CCDC82: variants seen among roughly 807,000 people sequenced by gnomAD.
CCDC82 encodes the protein coiled-coil domain-containing protein 82.
CCDC82 carries 47 observed loss-of-function variants against 60.6 expected under a neutral mutation model. The observed-to-expected ratio is 0.77, with a 90% CI of 0.61 to 0.99. The LOEUF (loss-of-function observed/expected upper bound fraction) is 0.99, where lower values mean the gene tolerates loss of function less well. Among genes scored for constraint, CCDC82 ranks in the 50% least tolerant of loss-of-function variants. The pLI is 0.00. For missense variants in CCDC82, 588 were observed against 633.0 expected, an observed-to-expected ratio of 0.93 and a Z score of 0.76; for synonymous variants, 212 against 207.4, an observed-to-expected ratio of 1.02 and a Z score of -0.19.
At chr11:96,388,420 A>G (rs893685696) in intron 1 of CCDC82, 1 of 152,244 alleles carries the variant, frequency 6.6e-6, no homozygotes, top group South Asian at 2.1e-4. Flanking sequence ...CCAAACAGAA[A>G]GCATTAAATA....
intron 7 of CCDC82, among the ~76,000 whole-genome samples, chr11:96,368,976 T>C (rs1865108420): frequency 6.6e-6 from 1 of 152,252 alleles, no homozygotes; most frequent in African/African-American, 2.4e-5. Flanking sequence ...GACAACTTGC[T>C]GCAGCTTCTC....
At chr11:96,368,329 G>T (rs1002203370) in intron 7 of CCDC82, among the ~76,000 whole-genome samples, 2 of 152,018 alleles carry the variant, frequency 1.3e-5, no homozygotes, top group African/African-American at 4.8e-5. Flanking sequence ...CTTAACAGTG[G>T]TCCAAAAATA....
At position 96,359,018 on chromosome 11, in the gene CCDC82, G is replaced by T; in HGVS notation, c.1541C>A (p.Ser514Ter). ...CTCCTTAATCCAGCCATTTTCTTTT[G>T]ACCGCCTGAAAATTCTTTCCACTGT... ...KETVERIFRR[S>*]KENGWIKEKY... is the part of the protein sequence containing the mutation. Residue 514 changes from serine (S) to a stop codon, truncating the protein, a stop_gained, in exon 9 of 10, where the codon TCA becomes TAA. Coordinates refer to ENST00000646818, the MANE Select transcript of CCDC82 (RefSeq NM_024725.4). LOFTEE classifies it high-confidence loss of function. The T allele has an allele frequency of 6.2e-7, 1 of 1,607,292 alleles. No individual in the cohort carries two copies. The highest frequency in any genetic ancestry group is 8.5e-7 in the Non-Finnish European group (1 of 1,177,960).
chr11:96,373,568 T>C (rs1865403520), intron 5 of CCDC82, 101 bp from the exon 6 acceptor site: 7 of 659,434 alleles, frequency 1.1e-5, no homozygotes, highest in Admixed American at 9.3e-5. Flanking sequence ...AAACTATAGA[T>C]AGCACAAACA....
At chr11:96,389,319 C>T (rs1376824448) in intron 1 of CCDC82, 2 of 152,144 alleles carry the variant, frequency 1.3e-5, no homozygotes, top group Admixed American at 1.3e-4. Context: ...GGAATAGATC[C>T]TCTCAGGAAT....
intron 9 of CCDC82, chr11:96,357,437 A>G (rs955410975): frequency 1.6e-5 from 16 of 985,166 alleles, no homozygotes; most frequent in Non-Finnish European, 1.9e-5. Flanking sequence ...CTTGAAAAGA[A>G]AGCCTAAGCT....
intron 5 of CCDC82, chr11:96,381,262 T>A (rs1265510706): frequency 6.6e-6 from 1 of 151,740 alleles, no homozygotes; most frequent in Non-Finnish European, 1.5e-5. Context: ...TAATTGAGTA[T>A]CCCTGTAATT....
At chr11:96,360,546 G>A (rs1321242331) in intron 8 of CCDC82, among the ~76,000 whole-genome samples, 5 of 151,958 alleles carry the variant, frequency 3.3e-5, no homozygotes, top group Non-Finnish European at 7.4e-5. Context: ...GCATCAGAAA[G>A]GGCTCCAAAC....
chr11:96,353,107 G>C lies in CCDC82; in HGVS notation c.*539C>G, dbSNP rs545743797. The C allele has an allele frequency of 6.6e-6, 1 of 152,124 alleles. No homozygotes were observed. Among genetic ancestry groups the C allele is most frequent in the Non-Finnish European group, 1.5e-5 (1 of 67,996 alleles). The allele number at this position is 152,124 out of a possible 1,614,324, so 9.4% of individuals were successfully genotyped here. A position where few individuals can be genotyped will look rare whatever the true frequency, so the allele number is the denominator to read the frequency against. On this transcript the variant is annotated 3_prime_UTR_variant, in exon 10 of 10. Transcript: ENST00000646818. ...AGAAACTTTCAAGAAAAGGAAAAAA[G>C]CATTCCTCTACTTAGAATAGATATG... is the stretch of plus-strand genomic sequence containing the variant.
intron 8 of CCDC82, among the ~76,000 whole-genome samples, chr11:96,359,644 A>C (rs1465757514): frequency 6.5e-5 from 1 of 15,338 alleles, no homozygotes; most frequent in African/African-American, 4.0e-4. Context: ...GGGCAAAGTA[A>C]AAAAAAAAAA....
At chr11:96,372,463 T>G (rs1865323752) in intron 6 of CCDC82, among the ~76,000 whole-genome samples, 1 of 151,476 alleles carries the variant, frequency 6.6e-6, no homozygotes. Context: ...CACTGTCACA[T>G]CCCCAGCCCT....
chr11:96,379,018 T>C (rs77976271), intron 5 of CCDC82, among the ~76,000 whole-genome samples: 43 of 152,096 alleles, frequency 2.8e-4, no homozygotes, highest in African/African-American at 7.9e-4. Flanking sequence ...CTGATTCCGA[T>C]TGTCAACTGA....
rs1297319426 is a variant in CCDC82, at chr11:96,384,062, T to C, written c.686A>G (p.Glu229Gly). The C allele has an allele frequency of 6.2e-7, 1 of 1,613,840 alleles. No homozygotes were observed. Among genetic ancestry groups the C allele is most frequent in the South Asian group, 1.1e-5 (1 of 91,082 alleles). Residue 229 changes from glutamate to glycine, a missense_variant, in exon 4 of 10, where the codon GAA becomes GGA. Glu to Gly is a moderately conservative substitution (Grantham distance 98). Transcript: ENST00000646818. Reference protein sequence around the residue: ...SSVEMEQKTPEKTLAAQKREK... With the variant: ...SSVEMEQKTPGKTLAAQKREK... ...TCGCTTTTGTGCAGCTAATGTTTTT[T>C]CAGGAGTCTTTTGCTCCATTTCCAC...
intron 5 of CCDC82, among the ~76,000 whole-genome samples, chr11:96,376,712 G>A (rs1243422543): frequency 6.6e-6 from 1 of 152,154 alleles, no homozygotes; most frequent in Non-Finnish European, 1.5e-5. Flanking sequence ...ACAGGCGTGA[G>A]CCACCGCGCC....
chr11:96,358,880 CAG>C, intron 9 of CCDC82, 111 bp downstream of exon 9: 1 of 1,055,584 alleles, frequency 9.5e-7, no homozygotes, highest in Non-Finnish European at 1.4e-6. Flanking sequence ...ATACAAACGA[CAG>C]AAGAAAGAGA....
At chr11:96,355,191 T>C (rs1266380667) in intron 9 of CCDC82, 3 of 152,158 alleles carry the variant, frequency 2.0e-5, no homozygotes, top group African/African-American at 7.2e-5. Flanking sequence ...CATATTCCTT[T>C]ATTATTTATT....
chr11:96,373,672 T>G (rs1865409878), intron 5 of CCDC82, among the ~76,000 whole-genome samples: 1 of 152,198 alleles, frequency 6.6e-6, no homozygotes, highest in East Asian at 1.9e-4. Flanking sequence ...CAATCCAAAG[T>G]GTCTACTTGT....
At chr11:96,356,037 T>A (rs1864330199) in intron 9 of CCDC82, 1 of 152,214 alleles carries the variant, frequency 6.6e-6, no homozygotes, top group African/African-American at 2.4e-5. Flanking sequence ...CAGAATTCAG[T>A]GTTAACGGGT....
intron 1 of CCDC82, chr11:96,388,255 T>C (rs1409625944): frequency 6.6e-6 from 1 of 152,238 alleles, no homozygotes; most frequent in Non-Finnish European, 1.5e-5. Flanking sequence ...ATGGGTAAGA[T>C]ACCTCTTGGT....
Sources: gnomAD v4.1 joint callset for allele counts (sites outside exome capture counted in the v4.1 genomes callset) on GRCh38, gnomAD v4.1.1 for gene constraint, MANE v1.5 for transcripts, NCBI Gene and HGNC (gene_info 2026-07-23, HGNC 2026-07-21) for gene names.